Variants in PDE8B observed in about 807,000 individuals in gnomAD.
PDE8B encodes the protein phosphodiesterase 8B.
Under a neutral mutation model 101.3 loss-of-function variants are expected in PDE8B, and 26 were observed. The ratio of observed to expected loss-of-function variants is 0.26; its 90% confidence interval spans 0.19 to 0.36. The LOEUF (loss-of-function observed/expected upper bound fraction) is 0.36, where lower values mean the gene tolerates loss of function less well. PDE8B is among the 10% of genes least tolerant of loss of function. The pLI is 1.00. For missense variants in PDE8B, 810 were observed against 1,163.1 expected (o/e 0.70, Z 4.42); for synonymous variants, 424 against 429.3 (o/e 0.99, Z 0.15).
intron 1 of PDE8B, among the ~76,000 whole-genome samples, chr5:77,237,617 CA>C (rs1196936562): frequency 2.6e-5 from 4 of 152,246 alleles, no homozygotes; most frequent in African/African-American, 9.6e-5. Flanking sequence ...TTTCAACTGT[CA>C]AACATACTTT....
chr5:77,399,012 T>C (rs749282176), intron 10 of PDE8B, among the ~76,000 whole-genome samples: 1 of 152,220 alleles, frequency 6.6e-6, no homozygotes, highest in East Asian at 1.9e-4. Flanking sequence ...TAGGAACTTA[T>C]GAACAGAAGC....
chr5:77,090,743 A>G, the PDE8B span, among the ~76,000 whole-genome samples: 2 of 152,096 alleles, frequency 1.3e-5, no homozygotes, highest in Admixed American at 1.3e-4. Flanking sequence ...TTTAAGGCTG[A>G]ATAATATCCG....
chr5:77,160,396 G>A, the PDE8B span, among the ~76,000 whole-genome samples: 5 of 152,228 alleles, frequency 3.3e-5, no homozygotes, highest in East Asian at 9.7e-4. Context: ...TTGGCTGTTA[G>A]GTTTCGCATC....
intron 12 of PDE8B, among the ~76,000 whole-genome samples, chr5:77,406,294 TA>T (rs527642095): frequency 2.6e-5 from 4 of 151,232 alleles, no homozygotes; most frequent in Admixed American, 6.6e-5. Context: ...AAAATAAAAA[TA>T]AAAAAAATTT....
At position 77,426,599 on chromosome 5, in the gene PDE8B, G is replaced by C. The variant is rs1231604891; in HGVS notation, c.*45G>C. 1 of 989,364 alleles carries C rather than the reference G, an allele frequency of 1.0e-6. No homozygotes were observed. Among genetic ancestry groups the C allele is most frequent in the Non-Finnish European group, 1.6e-6 (1 of 612,786 alleles). The allele number at this position is 989,364 out of a possible 1,614,324, so 61.3% of individuals were successfully genotyped here. On this transcript the variant is annotated 3_prime_UTR_variant, in exon 22 of 22. Transcript: ENST00000264917. ...CCTCTTGACCGACAAAGGACACTGTGAATCACAGTAGCGTAAACGAGAGGC... is the reference window on the plus strand; with the variant it reads ...CCTCTTGACCGACAAAGGACACTGTCAATCACAGTAGCGTAAACGAGAGGC...
chr5:77,167,538 C>A, the PDE8B span, among the ~76,000 whole-genome samples: 1 of 152,148 alleles, frequency 6.6e-6, no homozygotes, highest in Non-Finnish European at 1.5e-5. Context: ...CAGGGCACGT[C>A]GATGCGGAGG....
chr5:77,311,608 A>G (rs1017643248), intron 1 of PDE8B, among the ~76,000 whole-genome samples: 2 of 152,238 alleles, frequency 1.3e-5, no homozygotes, highest in Non-Finnish European at 2.9e-5. Flanking sequence ...TCAGAATAAT[A>G]ATGGCCTCAG....
chr5:77,111,586 G>A, the PDE8B span, among the ~76,000 whole-genome samples: 1 of 152,146 alleles, frequency 6.6e-6, no homozygotes, highest in Admixed American at 6.6e-5. Flanking sequence ...GAAGAGGGGA[G>A]AATTGTATAT....
the PDE8B span, among the ~76,000 whole-genome samples, chr5:77,177,869 A>G: frequency 9.5e-4 from 144 of 152,358 alleles, no homozygotes; most frequent in African/African-American, 3.4e-3. Context: ...TTTACAACTT[A>G]TCAATGGTTT....
intron 10 of PDE8B, among the ~76,000 whole-genome samples, chr5:77,355,504 G>C (rs1781926910): frequency 6.6e-6 from 1 of 152,160 alleles, no homozygotes; most frequent in Non-Finnish European, 1.5e-5. Flanking sequence ...ATCGGCCCAT[G>C]GGTTTGCATT....
chr5:77,220,583 A>G (rs1750891169), intron 1 of PDE8B, among the ~76,000 whole-genome samples: 1 of 152,240 alleles, frequency 6.6e-6, no homozygotes, highest in South Asian at 2.1e-4. Flanking sequence ...AGACTTTCAT[A>G]TAGAAACATG....
At chr5:77,252,119 G>C (rs1022154787) in intron 1 of PDE8B, among the ~76,000 whole-genome samples, 1 of 152,180 alleles carries the variant, frequency 6.6e-6, no homozygotes, top group Non-Finnish European at 1.5e-5. Context: ...GACTTATTCT[G>C]AGTGCAAGGC....
At chr5:77,248,123 C>T (rs767332576) in intron 1 of PDE8B, among the ~76,000 whole-genome samples, 3 of 152,206 alleles carry the variant, frequency 2.0e-5, no homozygotes, top group Admixed American at 6.5e-5. Flanking sequence ...GTCACAAACC[C>T]AGCTCTGACT....
At chr5:77,147,053 A>G in the PDE8B span, 5 of 438,434 alleles carry the variant, frequency 1.1e-5, no homozygotes, top group African/African-American at 6.2e-5. Context: ...ATATTGCCTC[A>G]TACTGAGCTA....
chr5:77,339,957 ATGAATTACTCTGT>A (rs1778907626), intron 6 of PDE8B, among the ~76,000 whole-genome samples: 1 of 152,216 alleles, frequency 6.6e-6, no homozygotes, highest in Non-Finnish European at 1.5e-5. Flanking sequence ...TATGCCTTTG[ATGAATTACTCTGT>A]TGAATAGAAG....
chr5:77,284,825 G>T (rs1765678076), intron 1 of PDE8B, among the ~76,000 whole-genome samples: 1 of 152,106 alleles, frequency 6.6e-6, no homozygotes, highest in South Asian at 2.1e-4. Flanking sequence ...CATTTTCATT[G>T]CCATGTAGTC....
intron 1 of PDE8B, among the ~76,000 whole-genome samples, chr5:77,245,699 A>C (rs1305588598): frequency 6.6e-6 from 1 of 152,156 alleles, no homozygotes; most frequent in Non-Finnish European, 1.5e-5. Context: ...CGTGAGATAG[A>C]TATATTATTA....
intron 1 of PDE8B, among the ~76,000 whole-genome samples, chr5:77,304,216 G>A (rs1004693644): frequency 5.3e-5 from 8 of 152,110 alleles, no homozygotes; most frequent in African/African-American, 1.9e-4. Context: ...TCTTAATTCT[G>A]CCATTCTGTT....
chr5:77,129,336 C>T, the PDE8B span, among the ~76,000 whole-genome samples: 1 of 152,014 alleles, frequency 6.6e-6, no homozygotes, highest in Non-Finnish European at 1.5e-5. Flanking sequence ...TAATAAATCC[C>T]CGTGTCCCCA....
Sources: allele counts gnomAD v4.1 joint callset (sites outside exome capture counted in the v4.1 genomes callset), GRCh38; gene constraint gnomAD v4.1.1; transcripts MANE v1.5; gene names NCBI Gene and HGNC (gene_info 2026-07-23, HGNC 2026-07-21).